Variants in RAP1GAP2 observed in about 807,000 individuals in gnomAD.
The protein encoded by RAP1GAP2 is RAP1 GTPase activating protein 2, also known as rap1 GTPase-activating protein 2.
Under a neutral mutation model 95.0 loss-of-function variants are expected in RAP1GAP2, and 27 were observed. The ratio of observed to expected loss-of-function variants is 0.28; its 90% CI spans 0.21 to 0.39. The LOEUF (loss-of-function observed/expected upper bound fraction) is 0.39. Ranked by LOEUF, RAP1GAP2 falls within the 10% of genes least tolerant of loss-of-function variation. The pLI is 1.00. For synonymous variants in RAP1GAP2, 373 were observed against 380.9 expected (o/e 0.98, Z 0.24); for missense variants, 771 against 970.0 (o/e 0.79, Z 2.72).
chr17:2,874,598 C>T (rs573584748), intron 2 of RAP1GAP2, among the ~76,000 whole-genome samples: 4 of 152,058 alleles, frequency 2.6e-5, no homozygotes, highest in Non-Finnish European at 5.9e-5. Context: ...AGAAAGGACC[C>T]GATCAAGGTC....
intron 3 of RAP1GAP2, among the ~76,000 whole-genome samples, chr17:2,941,913 C>A (rs543663013): frequency 7.0e-4 from 107 of 152,128 alleles, no homozygotes; most frequent in Non-Finnish European, 1.5e-3. Flanking sequence ...GAACTCCTGA[C>A]CTCAGGTGAT....
chr17:2,824,832 A>C (rs998665122), intron 2 of RAP1GAP2, among the ~76,000 whole-genome samples: 2 of 150,376 alleles, frequency 1.3e-5, no homozygotes, highest in African/African-American at 2.4e-5. Context: ...GAGGAGGAGG[A>C]GGCGGCGGCT....
At chr17:2,809,758 C>G (rs564260202) in intron 2 of RAP1GAP2, among the ~76,000 whole-genome samples, 85 of 152,194 alleles carry the variant, frequency 5.6e-4, no homozygotes, top group Non-Finnish European at 1.0e-3. Context: ...GATTGTGCAC[C>G]CCCTGGTGCT....
At chr17:2,992,719 T>A (rs1179667019) in intron 12 of RAP1GAP2, among the ~76,000 whole-genome samples, 2 of 152,200 alleles carry the variant, frequency 1.3e-5, no homozygotes, top group Non-Finnish European at 2.9e-5. Flanking sequence ...CACTAATTGC[T>A]TTCTTCCTCT....
intron 2 of RAP1GAP2, among the ~76,000 whole-genome samples, chr17:2,836,547 G>A (rs151071773): frequency 6.6e-6 from 1 of 152,204 alleles, no homozygotes; most frequent in East Asian, 1.9e-4. Flanking sequence ...TACGAGAATC[G>A]CTTGGACCTG....
chr17:3,016,533 C>T (rs972604266), intron 17 of RAP1GAP2, among the ~76,000 whole-genome samples: 2 of 152,260 alleles, frequency 1.3e-5, no homozygotes, highest in Non-Finnish European at 2.9e-5. Flanking sequence ...GGCTCTGGGT[C>T]TTTCAGCATC....
chr17:2,894,991 A>G (rs1482569517), intron 2 of RAP1GAP2, among the ~76,000 whole-genome samples: 2 of 151,998 alleles, frequency 1.3e-5, no homozygotes, highest in Non-Finnish European at 2.9e-5. Flanking sequence ...TGCCCTCGAG[A>G]GAGGGTTCAG....
chr17:2,806,593 C>T (rs1344027598), intron 2 of RAP1GAP2, among the ~76,000 whole-genome samples: 3 of 150,980 alleles, frequency 2.0e-5, no homozygotes, highest in Non-Finnish European at 4.4e-5. Context: ...GGCGGGGTTT[C>T]GCTGTGTTGG....
chr17:2,819,885 A>C (rs1427293628), intron 2 of RAP1GAP2, among the ~76,000 whole-genome samples: 1 of 150,862 alleles, frequency 6.6e-6, no homozygotes, highest in Non-Finnish European at 1.5e-5. Context: ...CCCAGGGCTC[A>C]AGTGATTCTC....
chr17:3,005,381 G>A lies in RAP1GAP2; in HGVS notation c.1213G>A (p.Ala405Thr). The change falls in exon 15 of 25, where the codon GCG (alanine) becomes ACG (threonine). Residue 405 changes from alanine to threonine, a missense_variant. Transcript: ENST00000254695. This position sits in a 1 kb window ranked among gnomAD's most constrained non-coding sequence, Gnocchi z 5.2. ...CTGTTTCACTCAGGTCTCTGTCACT[G>A]CGCGGGAAGATGTGCCCACCTTTGG... ...ETPSYKVSVT[A>T]REDVPTFGPP... The A allele has an allele frequency of 1.2e-6, 2 of 1,613,902 alleles. No individual in the cohort carries two copies. Among genetic ancestry groups the A allele is most frequent in the Non-Finnish European group, 1.7e-6 (2 of 1,179,824 alleles).
Position 3,037,188 on chromosome 17 carries a change from G to C in RAP1GAP2, c.*3827G>C, listed in dbSNP as rs1281588788. On this transcript the variant is annotated 3_prime_UTR_variant, in exon 25 of 25. Transcript: ENST00000254695. Reference sequence around the variant, plus strand: ...GGACCGTGTGCCCCTTTGGGAGGAAGAAGACAAGCCCCACTAGGGCCAAGG... The same window carrying C: ...GGACCGTGTGCCCCTTTGGGAGGAACAAGACAAGCCCCACTAGGGCCAAGG... 1.3e-5 allele frequency: 2 copies of C among 152,708 alleles called. No individual in the cohort carries two copies. Among genetic ancestry groups the C allele is most frequent in the Non-Finnish European group, 2.9e-5 (2 of 68,096 alleles). 9.5% of individuals were successfully genotyped at this position (152,708 alleles called of 1,614,324 possible).
Position 2,869,808 on chromosome 17 carries a change from T to C in RAP1GAP2, c.81-35476T>C, listed in dbSNP as rs557491477. On this transcript the variant is annotated intron_variant, in intron 2 of 24. Transcript: ENST00000254695. Reference sequence around the variant, plus strand: ...TCCCTTTCCTGCAGTCTTGGGCTCATGGCCAGCCGTCAGCCAGCACCCTGT... The same window carrying C: ...TCCCTTTCCTGCAGTCTTGGGCTCACGGCCAGCCGTCAGCCAGCACCCTGT... 5.3e-5 allele frequency among the ~76,000 whole-genome samples: 8 copies of C among 152,340 alleles called. No individual in the cohort carries two copies. In the South Asian group the frequency reaches 1.2e-3, roughly 24 times the overall value.
At chr17:2,975,236 A>G (rs1448561858) in intron 8 of RAP1GAP2, among the ~76,000 whole-genome samples, 2 of 103,000 alleles carry the variant, frequency 1.9e-5, no homozygotes, top group African/African-American at 2.6e-5. Flanking sequence ...GTCTCAAAAA[A>G]AAGAAAAAGA....
At chr17:2,908,852 T>C (rs373100573) in intron 3 of RAP1GAP2, among the ~76,000 whole-genome samples, 10 of 152,148 alleles carry the variant, frequency 6.6e-5, no homozygotes, top group East Asian at 1.9e-4. Flanking sequence ...AATATAGGCA[T>C]GTGCCACCGA....
At position 2,804,253 on chromosome 17, in the gene RAP1GAP2, T is replaced by G. The variant is rs371655836; in HGVS notation, c.80+3703T>G. ...CCCAGGTGTCCCTGAGGCCTGCAGC[T>G]CTGACGACAGGGGTCTGGCCTCACC... On this transcript the variant is annotated intron_variant, in intron 2 of 24. Transcript: ENST00000254695. 1.6e-4 allele frequency among the ~76,000 whole-genome samples: 24 copies of G among 152,326 alleles called. No homozygotes were observed. In the East Asian group the frequency reaches 4.1e-3, roughly 26 times the overall value.
At chr17:2,981,679 G>T (rs1333964901) in intron 10 of RAP1GAP2, among the ~76,000 whole-genome samples, 2 of 152,136 alleles carry the variant, frequency 1.3e-5, no homozygotes. Flanking sequence ...CATTGCCTGT[G>T]TTACTGCAGC....
At position 2,964,066 on chromosome 17, in the gene RAP1GAP2, A is replaced by C. The variant is rs2044466749; in HGVS notation, c.490A>C (p.Lys164Gln). 1 of 1,607,390 alleles carries C rather than the reference A, an allele frequency of 6.2e-7. No homozygotes were observed. Among genetic ancestry groups the C allele is most frequent in the Non-Finnish European group, 8.5e-7 (1 of 1,177,464 alleles). The change falls in exon 7 of 25, where the codon AAG (lysine) becomes CAG (glutamine). Residue 164 changes from lysine (K) to glutamine (Q), a missense_variant and splice_region_variant. Coordinates refer to ENST00000254695, the MANE Select transcript of RAP1GAP2 (RefSeq NM_015085.5). Reference sequence around the variant, plus strand: ...GGCCTACCGGAGGCACTTCCTGGGGAAGGTGAGGCTGGGGGAGAGGAGCTG... The same window carrying C: ...GGCCTACCGGAGGCACTTCCTGGGGCAGGTGAGGCTGGGGGAGAGGAGCTG... ...ARAYRRHFLG[K>Q]DHLNFYCTGS...
intron 10 of RAP1GAP2, among the ~76,000 whole-genome samples, chr17:2,981,587 G>C (rs2045358517): frequency 6.6e-6 from 1 of 152,144 alleles, no homozygotes; most frequent in Admixed American, 6.5e-5. Context: ...GGGGGCTGGT[G>C]CAGATCCAGT....
At chr17:2,810,259 TG>T (rs2069708083) in intron 2 of RAP1GAP2, among the ~76,000 whole-genome samples, 1 of 151,856 alleles carries the variant, frequency 6.6e-6, no homozygotes, top group African/African-American at 2.4e-5. Flanking sequence ...TGGCCTTCCC[TG>T]GGGGCGCTGG....
Sources: allele counts gnomAD v4.1 joint callset (sites outside exome capture counted in the v4.1 genomes callset), GRCh38; gene constraint gnomAD v4.1.1; non-coding constraint Gnocchi (gnomAD v3.1); transcripts MANE v1.5; gene names NCBI Gene and HGNC (gene_info 2026-07-23, HGNC 2026-07-21).